OSBPL1A: variants seen among roughly 807,000 people sequenced by gnomAD.
The protein encoded by OSBPL1A is oxysterol binding protein like 1A, also known as oxysterol-binding protein-related protein 1.
In OSBPL1A, 80 loss-of-function variants were observed where a neutral mutation model predicts 137.1. The observed-to-expected ratio is 0.58, with a 90% CI of 0.49 to 0.70. The LOEUF (loss-of-function observed/expected upper bound fraction) is 0.70, where lower values mean the gene tolerates loss of function less well. Ranked by LOEUF, OSBPL1A falls within the 30% of genes least tolerant of loss-of-function variation. OSBPL1A has a pLI of 0.00. For missense variants in OSBPL1A, 970 were observed against 1,129.4 expected (o/e 0.86, Z 2.02); for synonymous variants, 365 against 389.7 (o/e 0.94, Z 0.75).
In OSBPL1A at chr18:24,225,081, C is replaced by T. The variant is rs148520808; in HGVS notation, c.1562G>A (p.Gly521Asp). The change falls in exon 17 of 28, where the codon GGT (glycine) becomes GAT (aspartate). Residue 521 changes from glycine (G) to aspartate (D), a missense_variant. By Grantham distance (94) the Gly-to-Asp change is moderately conservative. Transcript: ENST00000319481. The part of the protein sequence containing the change: ...KHRMSEEKDC[G>D]GGDALSNGIK... Reference sequence around the variant, plus strand: ...GCCATTGGAGAGAGCATCTCCGCCACCACAGTCTTTTTCTTCGGACATTCT... The same window carrying T: ...GCCATTGGAGAGAGCATCTCCGCCATCACAGTCTTTTTCTTCGGACATTCT... 11 of 1,614,094 alleles carry T rather than the reference C, an allele frequency of 6.8e-6. No individual in the cohort carries two copies. The African/African-American group carries it at 1.1e-4, about 16-fold the overall frequency.
chr18:24,395,296 C>T (rs1013871789), intron 1 of OSBPL1A, among the ~76,000 whole-genome samples: 31 of 152,182 alleles, frequency 2.0e-4, no homozygotes, highest in Non-Finnish European at 2.6e-4. Context: ...CTCTCTTCTC[C>T]ACTAAGTTAT....
intron 20 of OSBPL1A, among the ~76,000 whole-genome samples, chr18:24,179,471 C>T (rs9675780): frequency 0.97 from 147,164 of 151,704 alleles, 71,489 homozygotes; most frequent in East Asian, 1. Context: ...GATCATGTCT[C>T]ATGATCTACA....
At chr18:24,175,139 C>CATACGTATATAT (rs1555625104) in intron 21 of OSBPL1A, among the ~76,000 whole-genome samples, 3 of 119,830 alleles carry the variant, frequency 2.5e-5, no homozygotes, top group African/African-American at 4.3e-5. Flanking sequence ...TATATATACA[C>CATACGTATATAT]ATATATATAT....
intron 1 of OSBPL1A, among the ~76,000 whole-genome samples, chr18:24,385,424 G>A (rs1785224517): frequency 6.6e-6 from 1 of 152,126 alleles, no homozygotes; most frequent in African/African-American, 2.4e-5. Context: ...AATTTAAATA[G>A]TGGGAGTTAT....
intron 14 of OSBPL1A, among the ~76,000 whole-genome samples, chr18:24,302,937 C>T (rs995508227): frequency 3.4e-4 from 51 of 151,972 alleles, no homozygotes; most frequent in African/African-American, 1.2e-3. Context: ...AAGTAACAGC[C>T]GGTAAGTGGA....
At chr18:24,248,970 G>A (rs553601585) in intron 15 of OSBPL1A, among the ~76,000 whole-genome samples, 57 of 152,298 alleles carry the variant, frequency 3.7e-4, no homozygotes, top group Middle Eastern at 3.4e-3. Context: ...AGATGAACGC[G>A]TCTTCTGAAA....
chr18:24,260,625 G>A (rs372862086), intron 15 of OSBPL1A, among the ~76,000 whole-genome samples: 1 of 152,090 alleles, frequency 6.6e-6, no homozygotes, highest in African/African-American at 2.4e-5. Context: ...GCAGATTCGT[G>A]GTTTTCAGGG....
Position 24,162,344 on chromosome 18 carries a change from C to T in OSBPL1A, c.*835G>A, listed in dbSNP as rs1448780769. 6.6e-6 allele frequency: 1 copy of T among 152,178 alleles called. No individual in the cohort carries two copies. The highest frequency in any genetic ancestry group is 1.5e-5 in the Non-Finnish European group (1 of 68,038). 9.4% of individuals were successfully genotyped at this position (152,178 alleles called of 1,614,324 possible). The stretch of plus-strand genomic sequence containing the variant: ...ATATAGTTTGATACTTACATGAGTG[C>T]AACTTACTTTCCCTAGTGGCATTTG... On this transcript the variant is annotated 3_prime_UTR_variant, in exon 28 of 28. Transcript: ENST00000319481.
intron 15 of OSBPL1A, among the ~76,000 whole-genome samples, chr18:24,245,623 A>G (rs1189413966): frequency 6.6e-6 from 1 of 152,168 alleles, no homozygotes; most frequent in African/African-American, 2.4e-5. Context: ...TTCTGAAACC[A>G]TGGCCAGGCT....
intron 4 of OSBPL1A, among the ~76,000 whole-genome samples, chr18:24,361,122 T>C (rs2091614531): frequency 6.6e-6 from 1 of 152,164 alleles, no homozygotes; most frequent in South Asian, 2.1e-4. Context: ...CTCAACTTCC[T>C]GGGCTCAAGT....
intron 17 of OSBPL1A, among the ~76,000 whole-genome samples, chr18:24,209,992 A>T (rs2087484843): frequency 6.6e-6 from 1 of 152,218 alleles, no homozygotes; most frequent in South Asian, 2.1e-4. Flanking sequence ...TATATGTAAG[A>T]TCTGTTACTT....
intron 1 of OSBPL1A, among the ~76,000 whole-genome samples, chr18:24,393,303 C>T (rs1218844658): frequency 6.6e-6 from 1 of 152,082 alleles, no homozygotes; most frequent in Non-Finnish European, 1.5e-5. Flanking sequence ...CATTGGTAAA[C>T]GAATTCATTA....
intron 4 of OSBPL1A, among the ~76,000 whole-genome samples, chr18:24,362,954 C>T (rs528899831): frequency 3.2e-4 from 48 of 152,346 alleles, no homozygotes; most frequent in African/African-American, 1.1e-3. Context: ...GTCCTCCCCA[C>T]CTCCCCAAAC....
chr18:24,326,781 A>G (rs1390988650), intron 7 of OSBPL1A, among the ~76,000 whole-genome samples: 6 of 152,094 alleles, frequency 3.9e-5, no homozygotes, highest in Admixed American at 3.9e-4. Context: ...TTGAGGTAGT[A>G]TCATTACTTA....
intron 2 of OSBPL1A, among the ~76,000 whole-genome samples, chr18:24,371,859 C>T (rs2146199235): frequency 6.6e-6 from 1 of 152,330 alleles, no homozygotes; most frequent in South Asian, 2.1e-4. Context: ...GACAGCATGG[C>T]CACATTCTTC....
chr18:24,261,361 G>A (rs2089442194), intron 15 of OSBPL1A, among the ~76,000 whole-genome samples: 1 of 152,078 alleles, frequency 6.6e-6, no homozygotes. Context: ...ACTAGTGCAA[G>A]CACATGTCAA....
chr18:24,185,328 C>CTTTTTT (rs200202342), intron 18 of OSBPL1A, among the ~76,000 whole-genome samples: 1 of 139,908 alleles, frequency 7.1e-6, no homozygotes, highest in Non-Finnish European at 1.6e-5. Flanking sequence ...ATTCTTTTTT[C>CTTTTTT]TTTTTTTTTT....
chr18:24,165,280 A>G (rs1439257611), intron 26 of OSBPL1A, 125 bp from the exon 27 acceptor site: 9 of 872,492 alleles, frequency 1.0e-5, no homozygotes, highest in Non-Finnish European at 1.6e-5. Context: ...TTAGAACACA[A>G]ATACCAGAAT....
chr18:24,230,248 G>T (rs928762434), intron 16 of OSBPL1A, among the ~76,000 whole-genome samples: 5 of 152,148 alleles, frequency 3.3e-5, no homozygotes, highest in African/African-American at 1.2e-4. Context: ...AACAAGGAGA[G>T]GGAGGAGGGA....
Sources: gnomAD v4.1 joint callset for allele counts (sites outside exome capture counted in the v4.1 genomes callset) on GRCh38, gnomAD v4.1.1 for gene constraint, MANE v1.5 for transcripts, NCBI Gene and HGNC (gene_info 2026-07-23, HGNC 2026-07-21) for gene names.